CELF2: variants seen among roughly 807,000 people sequenced by gnomAD.
CELF2 encodes the protein CUG triplet repeat RNA-binding protein 2.
In CELF2, 8 loss-of-function variants were observed where a neutral mutation model predicts 62.6. That is an observed-to-expected ratio of 0.13 (90% CI 0.07 to 0.23). The LOEUF (loss-of-function observed/expected upper bound fraction) is 0.23. CELF2 is among the 10% of genes least tolerant of loss of function. The probability of loss-of-function intolerance (pLI) is 1.00; values close to 1 mark genes in which losing one functional copy is unlikely to be tolerated. For synonymous variants in CELF2, 258 were observed against 250.0 expected (o/e 1.03, Z -0.30); for missense variants, 333 against 671.0 (o/e 0.50, Z 5.56).
At position 11,257,969 on chromosome 10, in the gene CELF2, C is replaced by G; in HGVS notation, c.538+97C>G. 3 of 1,411,998 alleles carry G rather than the reference C, an allele frequency of 2.1e-6. No homozygotes were observed. The South Asian group carries it at 3.7e-5, about 18-fold the overall frequency. The allele number at this position is 1,411,998 out of a possible 1,614,324, so 87.5% of individuals were successfully genotyped here. ...GTAGGCACCGCACACGGCAAGAGGTCACCCTGTAATACATCCCATGTGATA... is the reference window on the plus strand; with the variant it reads ...GTAGGCACCGCACACGGCAAGAGGTGACCCTGTAATACATCCCATGTGATA... On this transcript the variant is annotated intron_variant, in intron 5 of 12. Transcript: ENST00000633077.
chr10:10,560,603 A>G, the CELF2 span, among the ~76,000 whole-genome samples: 1 of 152,208 alleles, frequency 6.6e-6, no homozygotes, highest in Non-Finnish European at 1.5e-5. Flanking sequence ...TATGGAAAAC[A>G]GTATGGAGAT....
intron 1 of CELF2, among the ~76,000 whole-genome samples, chr10:11,151,217 A>G (rs988801143): frequency 6.6e-6 from 1 of 152,236 alleles, no homozygotes; most frequent in Non-Finnish European, 1.5e-5. Context: ...TCAAGTTATT[A>G]AATTTAAACC....
intron 1 of CELF2, among the ~76,000 whole-genome samples, chr10:11,061,319 C>T (rs189908302): frequency 2.0e-5 from 3 of 152,334 alleles, no homozygotes; most frequent in African/African-American, 2.4e-5. Flanking sequence ...AAGTCCATAA[C>T]TCTTCAATTC....
At chr10:11,323,237 G>T (rs1591559471) in intron 11 of CELF2, among the ~76,000 whole-genome samples, 1 of 151,980 alleles carries the variant, frequency 6.6e-6, no homozygotes, top group East Asian at 1.9e-4. Flanking sequence ...AAGAGTGCGG[G>T]TTTTCAGTAG....
chr10:11,197,026 A>AAG (rs774739669), intron 2 of CELF2, among the ~76,000 whole-genome samples: 1 of 1,610 alleles, frequency 6.2e-4, no homozygotes, highest in African/African-American at 8.0e-4. Context: ...GAAAGAAAGA[A>AAG]AAGAAAGAAA....
intron 1 of CELF2, among the ~76,000 whole-genome samples, chr10:11,103,814 TTAGG>T (rs1394807147): frequency 6.6e-6 from 1 of 152,154 alleles, no homozygotes; most frequent in East Asian, 1.9e-4. Flanking sequence ...ATAGATGTAG[TTAGG>T]TAGCCCAAAA....
chr10:10,771,646 T>C, the CELF2 span, among the ~76,000 whole-genome samples: 1 of 152,218 alleles, frequency 6.6e-6, no homozygotes, highest in Non-Finnish European at 1.5e-5. Flanking sequence ...TATCAGGGGT[T>C]TCTGCTTTTG....
rs2136205024 is a variant in CELF2, at chr10:10,972,315, C to A, written c.89+52316C>A. 6.6e-6 allele frequency among the ~76,000 whole-genome samples: 1 copy of A among 152,304 alleles called. No homozygotes were observed. Among genetic ancestry groups the A allele is most frequent in the South Asian group, 2.1e-4 (1 of 4,814 alleles). ...TTTAGGAAGCTCTACATATCATCAT[C>A]CCCTGTAAAAATTCACAATAGAAAT... On this transcript the variant is annotated intron_variant, in intron 2 of 13. Coordinates refer to the CELF2 transcript ENST00000636488. The surrounding 1 kb of genome is among the most constrained non-coding windows in gnomAD (Gnocchi z 4.4).
At chr10:10,916,474 T>C (rs551565956) in intron 1 of CELF2, among the ~76,000 whole-genome samples, 1 of 152,348 alleles carries the variant, frequency 6.6e-6, no homozygotes, top group Non-Finnish European at 1.5e-5. Context: ...ATGATGAACA[T>C]GACTTTTCCC....
At chr10:10,835,549 A>G (rs531444889) in intron 1 of CELF2, among the ~76,000 whole-genome samples, 1 of 151,862 alleles carries the variant, frequency 6.6e-6, no homozygotes, top group Admixed American at 6.6e-5. Flanking sequence ...CACCCAGCTA[A>G]TTTTTGTATT....
chr10:10,723,996 AATACACTG>A, the CELF2 span, among the ~76,000 whole-genome samples: 1 of 152,198 alleles, frequency 6.6e-6, no homozygotes, highest in Non-Finnish European at 1.5e-5. Context: ...CTTTAGAATC[AATACACTG>A]ATACATTCAA....
chr10:10,750,532 G>A, the CELF2 span, among the ~76,000 whole-genome samples: 1 of 152,310 alleles, frequency 6.6e-6, no homozygotes, highest in East Asian at 1.9e-4. Flanking sequence ...AAAGACAACT[G>A]AAGAAGGTGA....
rs898050159 is a variant in CELF2 at position 11,244,343 on chromosome 10, G to A, written c.355-4810G>A. Among the ~76,000 whole-genome samples, 6 of 152,248 alleles carry A rather than the reference G, an allele frequency of 3.9e-5. No homozygotes were observed. Among genetic ancestry groups the A allele is most frequent in the Non-Finnish European group, 7.4e-5 (5 of 68,006 alleles). ...CTTGTGCTTTAGGTGTCTTGTTTTC[G>A]GTGAATGTTCTTTTTAACAACTTCC... On this transcript the variant is annotated intron_variant, in intron 3 of 12. Transcript: ENST00000633077. The surrounding 1 kb of genome is among the most constrained non-coding windows in gnomAD (Gnocchi z 4.2).
chr10:11,167,561 A>AC (rs1351126133), intron 2 of CELF2, among the ~76,000 whole-genome samples: 4 of 152,214 alleles, frequency 2.6e-5, no homozygotes, highest in Non-Finnish European at 2.9e-5. Flanking sequence ...TCAGGTAAGT[A>AC]CCTATGTGTG....
the CELF2 span, among the ~76,000 whole-genome samples, chr10:10,550,338 C>A: frequency 6.6e-6 from 1 of 152,162 alleles, no homozygotes; most frequent in African/African-American, 2.4e-5. Flanking sequence ...GATAGGTTGG[C>A]CTGCTGCCTC....
chr10:10,622,750 A>G, the CELF2 span, among the ~76,000 whole-genome samples: 1 of 152,118 alleles, frequency 6.6e-6, no homozygotes, highest in Non-Finnish European at 1.5e-5. Context: ...AGGAGTGCAG[A>G]CAGGATGTGT....
At chr10:10,588,955 G>A in the CELF2 span, among the ~76,000 whole-genome samples, 1 of 152,106 alleles carries the variant, frequency 6.6e-6, no homozygotes, top group Admixed American at 6.6e-5. Context: ...GAGTGTCTGG[G>A]ACAAATCTCA....
At chr10:10,675,751 C>T in the CELF2 span, among the ~76,000 whole-genome samples, 2 of 152,104 alleles carry the variant, frequency 1.3e-5, no homozygotes, top group East Asian at 3.9e-4. Flanking sequence ...CCAATAAGCC[C>T]ATTAAAGGCA....
the CELF2 span, among the ~76,000 whole-genome samples, chr10:10,688,623 T>A: frequency 6.6e-6 from 1 of 152,166 alleles, no homozygotes; most frequent in Non-Finnish European, 1.5e-5. Context: ...TTTATAATAT[T>A]TACAGTATTT....
Sources: gnomAD v4.1 joint callset for allele counts (sites outside exome capture counted in the v4.1 genomes callset) on GRCh38, gnomAD v4.1.1 for gene constraint, Gnocchi (gnomAD v3.1) non-coding constraint, MANE v1.5 for transcripts, NCBI Gene and HGNC (gene_info 2026-07-23, HGNC 2026-07-21) for gene names.